The following NRXN3 variants were observed in gnomAD, a reference collection of about 807,000 sequenced individuals.
The protein encoded by NRXN3 is neurexin III.
A neutral mutation model predicts 137.6 loss-of-function variants in NRXN3; 32 were observed. The observed-to-expected ratio is 0.23, with a 90% CI of 0.18 to 0.31. The LOEUF (loss-of-function observed/expected upper bound fraction) is 0.31. Ranked by LOEUF, NRXN3 falls within the 10% of genes least tolerant of loss-of-function variation. NRXN3 has a pLI of 1.00. For synonymous variants in NRXN3, 798 were observed against 784.5 expected, an observed-to-expected ratio of 1.02 and a Z score of -0.29; for missense variants, 1,574 against 2,062.5, an observed-to-expected ratio of 0.76 and a Z score of 4.59.
chr14:79,308,925 A>G (rs1434738596), intron 15 of NRXN3, among the ~76,000 whole-genome samples: 1 of 97,576 alleles, frequency 1.0e-5, no homozygotes, highest in Non-Finnish European at 2.1e-5. Context: ...TTATTTATTT[A>G]TTTTTTAATT....
At position 78,415,806 on chromosome 14, in the gene NRXN3, A is replaced by T. The variant is rs1363498824; in HGVS notation, c.757+117946A>T. 2.0e-5 allele frequency among the ~76,000 whole-genome samples: 3 copies of T among 152,014 alleles called. No individual in the cohort carries two copies. In the East Asian group the frequency reaches 5.8e-4, roughly 29 times the overall value. ...TTAATGCTTATGAAACGAGGAAGAG[A>T]TGAGATCTCTGCATGCATGCACCAA... On this transcript the variant is annotated intron_variant, in intron 4 of 20. Coordinates refer to ENST00000335750, the MANE Select transcript of NRXN3 (RefSeq NM_001330195.2).
rs1382100745 is a variant in NRXN3 at position 79,358,583 on chromosome 14, GAGAGAAAGAAAGAAAGAAAGAA to G, written c.3263-108612_3263-108591del. On this transcript the variant is annotated intron_variant, in intron 15 of 20. Coordinates refer to ENST00000335750, the MANE Select transcript of NRXN3 (RefSeq NM_001330195.2). The stretch of plus-strand genomic sequence containing the variant: ...TCAAAAAAAAAAAAAAAGAAAGAAA[GAGAGAAAGAAAGAAAGAAAGAA>G]AGAGAAAGAAAGAAAGAAAGAAAGA... Among the ~76,000 whole-genome samples the G allele has an allele frequency of 2.4e-4, 26 of 106,150 alleles. 2 individuals carry two copies. The South Asian group carries it at 5.4e-3, about 22-fold the overall frequency. 69.6% of individuals were successfully genotyped at this position (106,150 alleles called of 152,430 possible). A position where few individuals can be genotyped will look rare whatever the true frequency, so the allele number is the denominator to read the frequency against.
At position 78,222,333 on chromosome 14, in the gene NRXN3, TACAC is replaced by T. The variant is rs72352115; in HGVS notation, c.-703-20038_-703-20035del. Among the ~76,000 whole-genome samples, 994 of 148,496 alleles carry T rather than the reference TACAC, an allele frequency of 6.7e-3. 11 individuals carry two copies. Among genetic ancestry groups the T allele is most frequent in the African/African-American group, 0.023 (926 of 40,764 alleles). ...GGAATAAAGGGCACACACACACACA[TACAC>T]ACACACACACACACACACAGCTGCT... On this transcript the variant is annotated intron_variant, in intron 1 of 20. Transcript: ENST00000335750.
intron 11 of NRXN3, among the ~76,000 whole-genome samples, chr14:78,963,527 A>T (rs543526124): frequency 2.0e-5 from 3 of 152,126 alleles, no homozygotes; most frequent in Non-Finnish European, 4.4e-5. Flanking sequence ...TGTTTCTTTC[A>T]GTCACTTTAT....
chr14:79,764,909 T>G (rs1201386168), intron 19 of NRXN3, among the ~76,000 whole-genome samples: 1 of 152,232 alleles, frequency 6.6e-6, no homozygotes, highest in Non-Finnish European at 1.5e-5. Flanking sequence ...ATTTTTGGAA[T>G]GCTGTGATCT....
At chr14:78,277,739 A>G (rs1030384262) in intron 2 of NRXN3, among the ~76,000 whole-genome samples, 2 of 152,062 alleles carry the variant, frequency 1.3e-5, no homozygotes, top group African/African-American at 4.8e-5. Context: ...GCTCTGGGTT[A>G]TGCTTCCCCA....
intron 16 of NRXN3, among the ~76,000 whole-genome samples, chr14:79,530,082 C>T (rs1447331170): frequency 1.3e-5 from 2 of 152,002 alleles, no homozygotes; most frequent in Non-Finnish European, 2.9e-5. Context: ...TTGAACATAC[C>T]TTAAAAGTAA....
In NRXN3 at chr14:79,300,083, C is replaced by T. The variant is rs576376198; in HGVS notation, c.3263-167138C>T. Among the ~76,000 whole-genome samples the T allele has an allele frequency of 2.3e-3, 350 of 152,128 alleles. 1 individual carries two copies. Among genetic ancestry groups the T allele is most frequent in the Non-Finnish European group, 3.8e-3 (258 of 67,950 alleles). On this transcript the variant is annotated intron_variant, in intron 15 of 20. Coordinates refer to ENST00000335750, the MANE Select transcript of NRXN3 (RefSeq NM_001330195.2). ...CAAGTATCAAAGGAATGAGTGACCC[C>T]TACGTGCCAAGCACTATGTTGAAGT... is the stretch of plus-strand genomic sequence containing the variant.
rs114393850 is a variant in NRXN3, at chr14:79,496,859, C to T, written c.3444+29457C>T. On this transcript the variant is annotated intron_variant, in intron 16 of 20. Coordinates refer to ENST00000335750, the MANE Select transcript of NRXN3 (RefSeq NM_001330195.2). ...ATGAAGTCCTCAGGGAGTTACAGCC[C>T]AGCATGGGAGAGGGCATTTCAACGG... is the stretch of plus-strand genomic sequence containing the variant. 8.8e-3 allele frequency among the ~76,000 whole-genome samples: 1,336 copies of T among 152,280 alleles called. 13 individuals carry two copies. The highest frequency in any genetic ancestry group is 0.031 in the African/African-American group (1,282 of 41,564).
rs1452933093 is a variant in NRXN3, at chr14:79,260,755, T to C, written c.3263-206466T>C. On this transcript the variant is annotated intron_variant, in intron 15 of 20. Transcript: ENST00000335750. ...ATAAATTCTCAGAGCTCAGATTATA[T>C]TTTCCAGAGAAATGGTATATTCTCT... Among the ~76,000 whole-genome samples the C allele has an allele frequency of 2.6e-5, 4 of 152,166 alleles. 1 individual carries two copies. The South Asian group carries it at 6.2e-4, about 24-fold the overall frequency.
At chr14:78,648,991 G>A (rs904827296) in intron 5 of NRXN3, among the ~76,000 whole-genome samples, 5 of 152,120 alleles carry the variant, frequency 3.3e-5, no homozygotes, top group African/African-American at 1.2e-4. Flanking sequence ...GCAGGGAGCT[G>A]CAATGGCATG....
rs2072876766 is a variant in NRXN3 at position 79,234,311 on chromosome 14, TATATATATATATA to T, written c.3263-232909_3263-232897del. ...AATGGTAAATATATATATATATATA[TATATATATATATA>T]TATATATATATATATAATATTTATA... On this transcript the variant is annotated intron_variant, in intron 15 of 20. Coordinates refer to ENST00000335750, the MANE Select transcript of NRXN3 (RefSeq NM_001330195.2). Among the ~76,000 whole-genome samples, 2 of 102,448 alleles carry T rather than the reference TATATATATATATA, an allele frequency of 2.0e-5. 1 individual carries two copies. Among genetic ancestry groups the T allele is most frequent in the Non-Finnish European group, 3.7e-5 (2 of 54,190 alleles). 67.2% of individuals were successfully genotyped at this position (102,448 alleles called of 152,430 possible). A position where few individuals can be genotyped will look rare whatever the true frequency, so the allele number is the denominator to read the frequency against.
intron 10 of NRXN3, among the ~76,000 whole-genome samples, chr14:78,887,003 T>C (rs1191282211): frequency 6.6e-6 from 1 of 152,182 alleles, no homozygotes; most frequent in Non-Finnish European, 1.5e-5. Flanking sequence ...AGAGTTTTCC[T>C]GTAAGCCTCT....
At chr14:79,135,121 C>A (rs1178557101) in intron 15 of NRXN3, among the ~76,000 whole-genome samples, 1 of 152,136 alleles carries the variant, frequency 6.6e-6, no homozygotes, top group Non-Finnish European at 1.5e-5. Flanking sequence ...GAATGAGACA[C>A]ATCTTGACTA....
chr14:78,533,352 C>T (rs2096495074), intron 4 of NRXN3, among the ~76,000 whole-genome samples: 1 of 152,116 alleles, frequency 6.6e-6, no homozygotes, highest in Admixed American at 6.6e-5. Flanking sequence ...TCCCAACCTC[C>T]AGCTCTCTTC....
chr14:78,191,866 T>G (rs2153376299), intron 1 of NRXN3, among the ~76,000 whole-genome samples: 1 of 152,268 alleles, frequency 6.6e-6, no homozygotes, highest in Non-Finnish European at 1.5e-5. Context: ...AAATCATCCC[T>G]TCCCCTCTTT....
intron 4 of NRXN3, among the ~76,000 whole-genome samples, chr14:78,303,112 A>G (rs139032523): frequency 3.9e-5 from 6 of 152,332 alleles, no homozygotes; most frequent in African/African-American, 1.2e-4. Context: ...TTGCTGCTCC[A>G]GCCAAGTGGA....
chr14:78,407,499 T>C (rs991078509), intron 4 of NRXN3, among the ~76,000 whole-genome samples: 2 of 152,186 alleles, frequency 1.3e-5, no homozygotes, highest in African/African-American at 2.4e-5. Flanking sequence ...TTGAACCAAA[T>C]TGAATTTAGC....
intron 4 of NRXN3, among the ~76,000 whole-genome samples, chr14:78,336,789 C>T (rs1288232557): frequency 6.6e-6 from 1 of 152,134 alleles, no homozygotes; most frequent in African/African-American, 2.4e-5. Context: ...CTCTTATCTG[C>T]TCTCCTATGA....
Sources: gnomAD v4.1 joint callset for allele counts (sites outside exome capture counted in the v4.1 genomes callset) on GRCh38, gnomAD v4.1.1 for gene constraint, MANE v1.5 for transcripts, NCBI Gene and HGNC (gene_info 2026-07-23, HGNC 2026-07-21) for gene names.